Variants in ACIN1 observed in about 807,000 individuals in gnomAD.
ACIN1 encodes the protein apoptotic chromatin condensation inducer in the nucleus.
In ACIN1, 16 loss-of-function variants were observed where a neutral mutation model predicts 146.6. The ratio of observed to expected loss-of-function variants is 0.11; its 90% CI spans 0.07 to 0.17. The LOEUF (loss-of-function observed/expected upper bound fraction) is 0.17. Among genes scored for constraint, ACIN1 ranks in the 10% least tolerant of loss-of-function variants. The pLI is 1.00. For synonymous variants in ACIN1, 569 were observed against 582.7 expected (o/e 0.98, Z 0.34); for missense variants, 1,357 against 1,609.3 (o/e 0.84, Z 2.68).
intron 18 of ACIN1, among the ~76,000 whole-genome samples, chr14:23,059,717 G>A (rs1165432605): frequency 1.4e-5 from 2 of 147,132 alleles, no homozygotes; most frequent in South Asian, 2.2e-4. Flanking sequence ...GCAGTGGCAC[G>A]ATCTCGGCTC....
intron 18 of ACIN1, 46 bp downstream of exon 18, chr14:23,061,038 A>C (rs894951965): frequency 1.3e-6 from 2 of 1,576,594 alleles, no homozygotes; most frequent in Non-Finnish European, 8.7e-7. Flanking sequence ...CCCTGACCTC[A>C]AGCCTCAGTG....
At chr14:23,069,648 G>GGGGGGGGGGGGGGC in intron 8 of ACIN1, 31 bp from the exon 9 acceptor site, 2 of 589,376 alleles carry the variant, frequency 3.4e-6, no homozygotes, top group East Asian at 4.0e-5. Flanking sequence ...TGGTGGGGGG[G>GGGGGGGGGGGGGGC]CGGGCAGAAA....
chr14:23,062,340 C>T, intron 15 of ACIN1, 65 bp from the exon 16 acceptor site: 1 of 1,598,896 alleles, frequency 6.3e-7, no homozygotes, highest in South Asian at 1.1e-5. Flanking sequence ...CGTGCTGCAA[C>T]ACCCTTAAAC....
rs2047186680 is a variant in ACIN1, at chr14:23,059,181, GCTCCGA to G, written c.3813_3818del (p.Arg1272_Ser1273del). ...GCCCACCCCGGTCCCGCACAGGTGT[GCTCCGA>G]CTCCGGCTTCTGCTGTGGCGCTTGG... On this transcript the variant is annotated inframe_deletion, in exon 19 of 19. Coordinates refer to ENST00000605057, the MANE Select transcript of ACIN1 (RefSeq NM_001386863.1). 7 of 1,613,858 alleles carry G rather than the reference GCTCCGA, an allele frequency of 4.3e-6. No individual in the cohort carries two copies. The East Asian group carries it at 1.3e-4, about 31-fold the overall frequency.
chr14:23,070,828 G>A (rs1020897738), intron 8 of ACIN1, among the ~76,000 whole-genome samples: 2 of 152,146 alleles, frequency 1.3e-5, no homozygotes, highest in Non-Finnish European at 2.9e-5. Flanking sequence ...GCACTAGGGG[G>A]GTTAGGGGGA....
chr14:23,093,199 G>C lies in ACIN1; in HGVS notation c.204+280C>G, dbSNP rs10130955. 0.28 allele frequency among the ~76,000 whole-genome samples: 42,623 copies of C among 152,104 alleles called. 6,230 individuals are homozygous for C. The highest frequency in any genetic ancestry group is 0.4 in the South Asian group (1,928 of 4,822). The stretch of plus-strand genomic sequence containing the variant: ...AATTCATGGCAGATAAATGACTTCA[G>C]ATCTCTGTACTACACGTAATTAATG... On this transcript the variant is annotated intron_variant, in intron 2 of 18. Transcript: ENST00000605057.
intron 8 of ACIN1, chr14:23,071,086 G>T: frequency 1.2e-5 from 19 of 1,535,692 alleles, no homozygotes; most frequent in Non-Finnish European, 1.7e-5. Context: ...GAGCTAGGGC[G>T]GCGGGGAAAA....
Position 23,069,530 on chromosome 14 carries a change from T to A in ACIN1, c.2211A>T (p.Gln737His). The change falls in exon 9 of 19, where the codon CAA (glutamine) becomes CAT (histidine). Residue 737 changes from glutamine (Q) to histidine (H), a missense_variant. Gln to His is a conservative substitution (Grantham distance 24). This residue lies in a region of ACIN1 where 771 missense variants were observed against 746.6 expected (regional missense o/e 1.03). Coordinates refer to ENST00000605057, the MANE Select transcript of ACIN1 (RefSeq NM_001386863.1). The part of the protein sequence containing the change: ...VPEPPMPIAD[Q>H]VSNDDRPEGS... ...CCTCCGGGCGGTCATCATTGCTGAC[T>A]TGGTCTGCAATAGGCATGGGAGGTT... The A allele has an allele frequency of 6.2e-7, 1 of 1,614,152 alleles. No individual in the cohort carries two copies. The highest frequency in any genetic ancestry group is 1.1e-5 in the South Asian group (1 of 91,070).
In ACIN1 at chr14:23,068,944, G is replaced by T; in HGVS notation, c.2265+532C>A. 1.0e-6 allele frequency: 1 copy of T among 985,580 alleles called. No homozygotes were observed. Among genetic ancestry groups the T allele is most frequent in the Non-Finnish European group, 1.2e-6 (1 of 830,060 alleles). The allele number at this position is 985,580 out of a possible 1,614,324, so 61.1% of individuals were successfully genotyped here. ...ATATGCCAAAAAAGGAGGTAGAGGG[G>T]TCACAGGTAACTGAGAATGGGCCTT... On this transcript the variant is annotated intron_variant, in intron 9 of 18. Transcript: ENST00000605057. The surrounding 1 kb of genome is among the most constrained non-coding windows in gnomAD (Gnocchi z 4.3).
chr14:23,078,577 T>C (rs954488649), intron 7 of ACIN1, among the ~76,000 whole-genome samples: 4 of 152,190 alleles, frequency 2.6e-5, no homozygotes, highest in African/African-American at 9.7e-5. Context: ...TTTTGGCAGA[T>C]AAAAGGAGGA....
chr14:23,061,699 C>T (rs56402910), intron 16 of ACIN1, 77 bp from the exon 17 acceptor site: 526,499 of 1,355,848 alleles, frequency 0.39, 105,333 homozygotes, highest in African/African-American at 0.61. Flanking sequence ...GATGGCCGGG[C>T]GCGGTGGCTC....
rs112460743 is a variant in ACIN1, at chr14:23,082,061, A to C, written c.437-225T>G. On this transcript the variant is annotated intron_variant, in intron 4 of 18. Coordinates refer to ENST00000605057, the MANE Select transcript of ACIN1 (RefSeq NM_001386863.1). Reference sequence around the variant, plus strand: ...TGGTGTGCAAGTCTAGAATATTTTCAACACCTCGAAGCCAATTCACATGTT... The same window carrying C: ...TGGTGTGCAAGTCTAGAATATTTTCCACACCTCGAAGCCAATTCACATGTT... Among the ~76,000 whole-genome samples the C allele has an allele frequency of 1.4e-4, 21 of 152,346 alleles. 1 individual carries two copies. Among genetic ancestry groups the C allele is most frequent in the African/African-American group, 4.8e-4 (20 of 41,582 alleles).
intron 8 of ACIN1, among the ~76,000 whole-genome samples, chr14:23,075,223 C>G (rs1345895154): frequency 3.3e-5 from 5 of 152,020 alleles, no homozygotes; most frequent in Admixed American, 3.3e-4. Flanking sequence ...TAGGTCTGTG[C>G]ATACAGGAAG....
At chr14:23,091,626 ATTTTTTT>A (rs149184878) in intron 2 of ACIN1, among the ~76,000 whole-genome samples, 2 of 137,980 alleles carry the variant, frequency 1.4e-5, no homozygotes, top group Admixed American at 7.3e-5. Context: ...TCCAGGAAAC[ATTTTTTT>A]TTTTTTTTTT....
chr14:23,069,652 G>GGGGGGGGGGGCCCGGC, intron 8 of ACIN1, 35 bp from the exon 9 acceptor site: 1 of 577,974 alleles, frequency 1.7e-6, no homozygotes, highest in Non-Finnish European at 3.3e-6. Flanking sequence ...GGGGGGGCGG[G>GGGGGGGGGGGCCCGGC]CAGAAAAGAA....
intron 4 of ACIN1, among the ~76,000 whole-genome samples, chr14:23,083,562 C>A (rs113957568): frequency 0.02 from 2,980 of 152,196 alleles, 97 homozygotes; most frequent in African/African-American, 0.068. Context: ...GAAACCCTGT[C>A]TCTACTAAAA....
At chr14:23,069,397 A>C in intron 9 of ACIN1, 79 bp downstream of exon 9, 1 of 1,543,520 alleles carries the variant, frequency 6.5e-7, no homozygotes, top group Non-Finnish European at 8.7e-7. Context: ...ACCGTGTAAG[A>C]GGGATCACTA....
intron 4 of ACIN1, among the ~76,000 whole-genome samples, chr14:23,087,382 G>A (rs867743376): frequency 7.3e-5 from 11 of 151,708 alleles, no homozygotes; most frequent in South Asian, 4.2e-4. Context: ...GAGCATTTAC[G>A]GCAATTATGA....
At chr14:23,082,434 A>AAT (rs1340503297) in intron 4 of ACIN1, among the ~76,000 whole-genome samples, 1 of 142,602 alleles carries the variant, frequency 7.0e-6, no homozygotes, top group East Asian at 2.0e-4. Context: ...ATTAGAGCTC[A>AAT]ATATTTTTTT....
Sources: gnomAD v4.1 joint callset for allele counts (sites outside exome capture counted in the v4.1 genomes callset) on GRCh38, gnomAD v4.1.1 for gene constraint, gnomAD v4.1.1 regional missense constraint, Gnocchi (gnomAD v3.1) non-coding constraint, MANE v1.5 for transcripts, NCBI Gene and HGNC (gene_info 2026-07-23, HGNC 2026-07-21) for gene names.